Variants in ASAP1 observed in about 807,000 individuals in gnomAD.
ASAP1 encodes the protein arf-GAP with SH3 domain, ANK repeat and PH domain-containing protein 1.
In ASAP1, 43 loss-of-function variants were observed where a neutral mutation model predicts 145.2. That is an observed-to-expected ratio of 0.30 (90% CI 0.23 to 0.38). ASAP1 has a LOEUF of 0.38. ASAP1 is among the 10% of genes least tolerant of loss of function. The pLI is 1.00. For synonymous variants in ASAP1, 546 were observed against 515.5 expected, an observed-to-expected ratio of 1.06 and a Z score of -0.80; for missense variants, 1,018 against 1,355.3, an observed-to-expected ratio of 0.75 and a Z score of 3.91.
At chr8:130,412,713 G>A (rs2138650752) in intron 1 of ASAP1, among the ~76,000 whole-genome samples, 1 of 150,852 alleles carries the variant, frequency 6.6e-6, no homozygotes, top group Non-Finnish European at 1.5e-5. Context: ...GTGCAGTGGT[G>A]CGATCCTGGC....
At chr8:130,294,652 G>T (rs576595857) in intron 3 of ASAP1, among the ~76,000 whole-genome samples, 1 of 152,266 alleles carries the variant, frequency 6.6e-6, no homozygotes, top group South Asian at 2.1e-4. Flanking sequence ...CCCTTACTGG[G>T]GTTACTGCTT....
At chr8:130,351,628 C>A (rs972728714) in intron 3 of ASAP1, among the ~76,000 whole-genome samples, 1 of 151,874 alleles carries the variant, frequency 6.6e-6, no homozygotes, top group Non-Finnish European at 1.5e-5. Flanking sequence ...CATCACATGG[C>A]GAAAGCAGGG....
chr8:130,391,140 T>A (rs1318047924), intron 2 of ASAP1, among the ~76,000 whole-genome samples: 1 of 151,280 alleles, frequency 6.6e-6, no homozygotes. Flanking sequence ...ATAATAAGGA[T>A]GAACCTTGAG....
chr8:130,171,508 C>T (rs549401453), intron 9 of ASAP1, among the ~76,000 whole-genome samples: 78 of 152,234 alleles, frequency 5.1e-4, no homozygotes, highest in African/African-American at 1.7e-3. Context: ...CACTCATTAT[C>T]AAGAGAACAG....
chr8:130,426,450 T>G (rs1587026817), intron 1 of ASAP1, among the ~76,000 whole-genome samples: 1 of 151,634 alleles, frequency 6.6e-6, no homozygotes, highest in Non-Finnish European at 1.5e-5. Context: ...CATATCATTC[T>G]TCCACTCACA....
In ASAP1 at chr8:130,347,699, C is replaced by A. The variant is rs183559979; in HGVS notation, c.186+10318G>T. On this transcript the variant is annotated intron_variant, in intron 3 of 29. Coordinates refer to ENST00000518721, the MANE Select transcript of ASAP1 (RefSeq NM_018482.4). ...ACTGGAGCAAGGGTGGTCTCCTGAC[C>A]CAAGTGGAGCCAATCCAATCCTCCT... 1.9e-3 allele frequency among the ~76,000 whole-genome samples: 289 copies of A among 152,248 alleles called. 3 individuals are homozygous for A. Among genetic ancestry groups the A allele is most frequent in the African/African-American group, 6.5e-3 (268 of 41,550 alleles).
At chr8:130,216,778 T>C (rs531124667) in intron 4 of ASAP1, among the ~76,000 whole-genome samples, 1 of 152,310 alleles carries the variant, frequency 6.6e-6, no homozygotes, top group African/African-American at 2.4e-5. Flanking sequence ...ATTCAGTATC[T>C]CCACTAACTA....
intron 3 of ASAP1, among the ~76,000 whole-genome samples, chr8:130,304,286 T>A (rs1001985436): frequency 6.6e-6 from 1 of 152,026 alleles, no homozygotes; most frequent in Non-Finnish European, 1.5e-5. Context: ...GAACGCCTTG[T>A]ATATTTTATG....
At chr8:130,326,604 A>C (rs1281650568) in intron 3 of ASAP1, among the ~76,000 whole-genome samples, 2 of 152,260 alleles carry the variant, frequency 1.3e-5, no homozygotes, top group Non-Finnish European at 2.9e-5. Context: ...CGCTAGTCAA[A>C]GAATATTAAC....
At chr8:130,384,606 G>C (rs911916632) in intron 2 of ASAP1, among the ~76,000 whole-genome samples, 2 of 152,186 alleles carry the variant, frequency 1.3e-5, no homozygotes, top group Admixed American at 1.3e-4. Flanking sequence ...GGCCTCCCGA[G>C]TAGCTGGGAT....
chr8:130,187,104 TA>T, intron 7 of ASAP1, 131 bp downstream of exon 7: 2 of 737,336 alleles, frequency 2.7e-6, no homozygotes, highest in African/African-American at 1.8e-5. Context: ...GAGGATATAC[TA>T]AACAGGTTTT....
chr8:130,296,652 G>T (rs1368934706), intron 3 of ASAP1, among the ~76,000 whole-genome samples: 1 of 151,786 alleles, frequency 6.6e-6, no homozygotes, highest in Non-Finnish European at 1.5e-5. Flanking sequence ...CATCAAGGAA[G>T]AATTCACAGC....
intron 13 of ASAP1, among the ~76,000 whole-genome samples, chr8:130,144,313 C>T (rs570747171): frequency 2.0e-5 from 3 of 152,262 alleles, no homozygotes; most frequent in Admixed American, 1.3e-4. Flanking sequence ...AAACTGAGTA[C>T]CTAAACTGCC....
chr8:130,155,266 T>C (rs779537362), intron 12 of ASAP1, among the ~76,000 whole-genome samples: 4 of 152,194 alleles, frequency 2.6e-5, no homozygotes, highest in Non-Finnish European at 4.4e-5. Context: ...AGAAGCATTA[T>C]TCTGGGTTGA....
intron 3 of ASAP1, among the ~76,000 whole-genome samples, chr8:130,268,477 G>A (rs1225663404): frequency 1.4e-5 from 2 of 139,198 alleles, no homozygotes; most frequent in Non-Finnish European, 3.1e-5. Flanking sequence ...GACAGAGTAA[G>A]ATCCCGTCTT....
Position 130,058,436 on chromosome 8 carries a change from CAG to C in ASAP1, c.3193-362_3193-361del, listed in dbSNP as rs552476495. ...CCCACATCAGCTTGCAGAATGACAGCAGAGTCTAAAAATGTTTTTAGGAAACA... is the reference window on the plus strand; with the variant it reads ...CCCACATCAGCTTGCAGAATGACAGCAGTCTAAAAATGTTTTTAGGAAACA... On this transcript the variant is annotated intron_variant, in intron 28 of 29. Transcript: ENST00000518721. 4.3e-4 allele frequency among the ~76,000 whole-genome samples: 65 copies of C among 152,288 alleles called. 1 individual carries two copies. The South Asian group carries it at 0.013, about 32-fold the overall frequency.
At chr8:130,310,954 T>C (rs1823304547) in intron 3 of ASAP1, among the ~76,000 whole-genome samples, 1 of 152,220 alleles carries the variant, frequency 6.6e-6, no homozygotes, top group African/African-American at 2.4e-5. Context: ...GGCCAGTATC[T>C]ACTAAGGCGG....
At chr8:130,360,089 C>G (rs781577659) in intron 2 of ASAP1, among the ~76,000 whole-genome samples, 2 of 152,256 alleles carry the variant, frequency 1.3e-5, no homozygotes, top group Admixed American at 6.5e-5. Context: ...TTACTAAGCA[C>G]TATGTGCCCT....
In ASAP1 at chr8:130,101,741, T is replaced by TTTTTTTC. The variant is rs1420999729; in HGVS notation, c.2402-9599_2402-9598insGAAAAAA. Among the ~76,000 whole-genome samples the TTTTTTTC allele has an allele frequency of 7.2e-4, 101 of 140,542 alleles. 1 individual carries two copies. The South Asian group carries it at 0.024, about 33-fold the overall frequency. 92.2% of individuals were successfully genotyped at this position (140,542 alleles called of 152,430 possible). On this transcript the variant is annotated intron_variant, in intron 24 of 29. Transcript: ENST00000518721. ...CTACCACACCTGGTTAATTTTTTTT[T>TTTTTTTC]TTTTTTTTTTTGCAGAGATAGGGTT...
Sources: gnomAD v4.1 joint callset for allele counts (sites outside exome capture counted in the v4.1 genomes callset) on GRCh38, gnomAD v4.1.1 for gene constraint, MANE v1.5 for transcripts, NCBI Gene and HGNC (gene_info 2026-07-23, HGNC 2026-07-21) for gene names.